Variants in TIE1 observed in about 807,000 individuals in gnomAD.
TIE1 encodes tyrosine-protein kinase receptor Tie-1.
A neutral mutation model predicts 130.5 loss-of-function variants in TIE1; 89 were observed. The observed-to-expected ratio is 0.68, with a 90% CI of 0.57 to 0.81. TIE1 has a LOEUF of 0.81. Among genes scored for constraint, TIE1 ranks in the 40% least tolerant of loss-of-function variants. The pLI, the probability that TIE1 is intolerant of heterozygous loss-of-function variation, is 0.00. For missense variants in TIE1, 1,392 were observed against 1,559.8 expected (o/e 0.89, Z 1.81); for synonymous variants, 568 against 629.4 (o/e 0.90, Z 1.46).
chr1:43,309,452 T>C lies in TIE1; in HGVS notation c.1253T>C (p.Leu418Pro), dbSNP rs1223497000. 4 of 1,612,318 alleles carry C rather than the reference T, an allele frequency of 2.5e-6. No homozygotes were observed. The East Asian group carries it at 8.9e-5, about 36-fold the overall frequency. The change falls in exon 9 of 23, where the codon CTT (leucine) becomes CCT (proline). Residue 418 changes from leucine (L) to proline (P), a missense_variant. By Grantham distance (98) the Leu-to-Pro change is moderately conservative. This residue lies in a region of TIE1 where 551 missense variants were observed against 565.5 expected (regional missense o/e 0.97). Coordinates refer to ENST00000372476, the MANE Select transcript of TIE1 (RefSeq NM_005424.5). The surrounding 1 kb of genome is among the most constrained non-coding windows in gnomAD (Gnocchi z 6.3). ...GAGTTCGAGGTGCCCCGCTTGGTTC[T>C]TGCGGACAGTGGGTTCTGGGAGTGC... ...TAEFEVPRLV[L>P]ADSGFWECRV...
Position 43,319,133 on chromosome 1 carries a change from T to C in TIE1, c.2923-102T>C, listed in dbSNP as rs540011973. 5.0e-6 allele frequency: 4 copies of C among 807,134 alleles called. No individual in the cohort carries two copies. In the African/African-American group the frequency reaches 6.8e-5, roughly 14 times the overall value. 50.0% of individuals were successfully genotyped at this position (807,134 alleles called of 1,614,324 possible). On this transcript the variant is annotated intron_variant, in intron 17 of 22. Coordinates refer to ENST00000372476, the MANE Select transcript of TIE1 (RefSeq NM_005424.5). This position sits in a 1 kb window ranked among gnomAD's most constrained non-coding sequence, Gnocchi z 4.7. Reference sequence around the variant, plus strand: ...GCCAGGAGGGTAGGAGTATGGGGTATTGAAGGTAACAAGGGTACCCACGAA... The same window carrying C: ...GCCAGGAGGGTAGGAGTATGGGGTACTGAAGGTAACAAGGGTACCCACGAA...
Position 43,301,138 on chromosome 1 carries a change from C to G in TIE1, c.58+9C>G. 1 of 1,611,522 alleles carries G rather than the reference C, an allele frequency of 6.2e-7. No individual in the cohort carries two copies. The highest frequency in any genetic ancestry group is 8.5e-7 in the Non-Finnish European group (1 of 1,178,868). ...CTTGGCTTCTCATGTGGGTAAGTCT[C>G]CCCTGAGTCCCTCACCCCATTTCTA... On this transcript the variant is annotated intron_variant, in intron 1 of 22. Transcript: ENST00000372476.
At position 43,313,971 on chromosome 1, in the gene TIE1, C is replaced by T. The variant is rs778330654; in HGVS notation, c.2409+3C>T. On this transcript the variant is annotated splice_donor_region_variant and intron_variant, in intron 14 of 22. Coordinates refer to ENST00000372476, the MANE Select transcript of TIE1 (RefSeq NM_005424.5). The surrounding 1 kb of genome is among the most constrained non-coding windows in gnomAD (Gnocchi z 6.2). ...CCTTCACCTACCAGTCAGGCTCGGT[C>T]AGTGACCCGCCCCGCCCCTGGGTGC... 5.0e-6 allele frequency: 8 copies of T among 1,613,660 alleles called. No individual in the cohort carries two copies. The South Asian group carries it at 7.7e-5, about 16-fold the overall frequency.
rs775667125 is a variant in TIE1, at chr1:43,317,697, AC to A, written c.2731+27del. The stretch of plus-strand genomic sequence containing the variant: ...GAGGTGAGCCCCCAGCTCATCACCT[AC>A]CCCTTCTTCCAAACCCCCATCCTCA... On this transcript the variant is annotated intron_variant, in intron 16 of 22. Transcript: ENST00000372476. This position sits in a 1 kb window ranked among gnomAD's most constrained non-coding sequence, Gnocchi z 5.1. 1 of 1,546,580 alleles carries A rather than the reference AC, an allele frequency of 6.5e-7. No individual in the cohort carries two copies. Among genetic ancestry groups the A allele is most frequent in the Non-Finnish European group, 8.8e-7 (1 of 1,141,648 alleles).
rs778115704 is a variant in TIE1, at chr1:43,315,579, G to A, written c.2409+1611G>A. On this transcript the variant is annotated intron_variant, in intron 14 of 22. Transcript: ENST00000372476. The surrounding 1 kb of genome is among the most constrained non-coding windows in gnomAD (Gnocchi z 4.4). Reference sequence around the variant, plus strand: ...TGAGGCAGGAGAACTGCTTGAACCCGGATGGCAGAGGTTGCAGTGAGCCAA... The same window carrying A: ...TGAGGCAGGAGAACTGCTTGAACCCAGATGGCAGAGGTTGCAGTGAGCCAA... Among the ~76,000 whole-genome samples the A allele has an allele frequency of 3.3e-5, 5 of 151,922 alleles. No homozygotes were observed. The highest frequency in any genetic ancestry group is 1.3e-4 in the Admixed American group (2 of 15,260).
In TIE1 at chr1:43,313,454, C is replaced by T. The variant is rs187353459; in HGVS notation, c.2218+29C>T. On this transcript the variant is annotated intron_variant, in intron 13 of 22. Coordinates refer to ENST00000372476, the MANE Select transcript of TIE1 (RefSeq NM_005424.5). This position sits in a 1 kb window ranked among gnomAD's most constrained non-coding sequence, Gnocchi z 6.2. ...AGAGGGCAGGGCCCACAGGACCCCC[C>T]GGGCTCTGAGCGGGGAGAGCTCAGC... 93 of 1,611,886 alleles carry T rather than the reference C, an allele frequency of 5.8e-5. No homozygotes were observed. In the Admixed American group the frequency reaches 8.5e-4, roughly 15 times the overall value.
At position 43,305,347 on chromosome 1, in the gene TIE1, A is replaced by C. The variant is rs1256953621; in HGVS notation, c.484+4A>C. The C allele has an allele frequency of 7.8e-6, 11 of 1,411,696 alleles. No individual in the cohort carries two copies. In the Admixed American group the frequency reaches 2.7e-4, roughly 34 times the overall value. The allele number at this position is 1,411,696 out of a possible 1,614,324, so 87.4% of individuals were successfully genotyped here. A position where few individuals can be genotyped will look rare whatever the true frequency, so the allele number is the denominator to read the frequency against. ...GACGTGATCTGGAAGAGCAACGGTAAAGAGGGGCATTTGAACTGGTGGGGA... is the reference window on the plus strand; with the variant it reads ...GACGTGATCTGGAAGAGCAACGGTACAGAGGGGCATTTGAACTGGTGGGGA... On this transcript the variant is annotated splice_donor_region_variant and intron_variant, in intron 3 of 22. Coordinates refer to ENST00000372476, the MANE Select transcript of TIE1 (RefSeq NM_005424.5).
chr1:43,317,372 C>T lies in TIE1; in HGVS notation c.2583C>T (p.Asp861=), dbSNP rs373122819. ...TCATCCGGGCCATGATCAAGAAGGA[C>T]GGGCTGAAGATGAACGCAGCCATCA... ...GQVIRAMIKK[D]GLKMNAAIKM... The change falls in exon 15 of 23, where the codon GAC becomes GAT. Residue 861 remains aspartate (D), a synonymous_variant. Transcript: ENST00000372476. The surrounding 1 kb of genome is among the most constrained non-coding windows in gnomAD (Gnocchi z 5.1). 41 of 1,614,050 alleles carry T rather than the reference C, an allele frequency of 2.5e-5. No homozygotes were observed. Among genetic ancestry groups the T allele is most frequent in the African/African-American group, 2.5e-4 (19 of 74,990 alleles).
intron 14 of TIE1, chr1:43,314,523 T>C: frequency 1.0e-6 from 1 of 1,000,862 alleles, no homozygotes; most frequent in Non-Finnish European, 1.2e-6. Context: ...TCCCAGGGCC[T>C]CCTTTTGGAG....
chr1:43,312,733 A>T lies in TIE1; in HGVS notation c.1927+132A>T. ...AGAGGACACAGGACACACATAGGGT[A>T]TTAGGCAGACGTGACCCCAGCGGGG... On this transcript the variant is annotated intron_variant, in intron 12 of 22. Coordinates refer to ENST00000372476, the MANE Select transcript of TIE1 (RefSeq NM_005424.5). This position sits in a 1 kb window ranked among gnomAD's most constrained non-coding sequence, Gnocchi z 5.6. 9.1e-7 allele frequency: 1 copy of T among 1,101,756 alleles called. No homozygotes were observed. Among genetic ancestry groups the T allele is most frequent in the Non-Finnish European group, 1.3e-6 (1 of 792,446 alleles). 68.2% of individuals were successfully genotyped at this position (1,101,756 alleles called of 1,614,324 possible). A position where few individuals can be genotyped will look rare whatever the true frequency, so the allele number is the denominator to read the frequency against.
Position 43,319,625 on chromosome 1 carries a change from G to A in TIE1, c.3107+96G>A, listed in dbSNP as rs577536046. 6.2e-6 allele frequency: 8 copies of A among 1,283,680 alleles called. No homozygotes were observed. The East Asian group carries it at 1.8e-4, about 30-fold the overall frequency. The allele number at this position is 1,283,680 out of a possible 1,614,324, so 79.5% of individuals were successfully genotyped here. A position where few individuals can be genotyped will look rare whatever the true frequency, so the allele number is the denominator to read the frequency against. On this transcript the variant is annotated intron_variant, in intron 19 of 22. Transcript: ENST00000372476. This position sits in a 1 kb window ranked among gnomAD's most constrained non-coding sequence, Gnocchi z 4.7. ...CTCAGAAATGTCATAGGTGGTCTAA[G>A]GCATGACCTGGGCTGTGTTCCAGGT... is the stretch of plus-strand genomic sequence containing the variant.
At chr1:43,314,158 C>T (rs1266759038) in intron 14 of TIE1, 190 bp downstream of exon 14, 1 of 803,320 alleles carries the variant, frequency 1.2e-6, no homozygotes, top group Non-Finnish European at 2.0e-6. Context: ...AAACTGAATT[C>T]AGCTCATGAG....
Position 43,319,160 on chromosome 1 carries a change from A to G in TIE1, c.2923-75A>G. ...GAAGGTAACAAGGGTACCCACGAAGACTGACTCCTTACTGGCCTGACTGTC... is the reference window on the plus strand; with the variant it reads ...GAAGGTAACAAGGGTACCCACGAAGGCTGACTCCTTACTGGCCTGACTGTC... On this transcript the variant is annotated intron_variant, in intron 17 of 22. Coordinates refer to ENST00000372476, the MANE Select transcript of TIE1 (RefSeq NM_005424.5). This position sits in a 1 kb window ranked among gnomAD's most constrained non-coding sequence, Gnocchi z 4.7. 1 of 1,090,500 alleles carries G rather than the reference A, an allele frequency of 9.2e-7. No individual in the cohort carries two copies. The highest frequency in any genetic ancestry group is 1.7e-5 in the Admixed American group (1 of 58,410). The allele number at this position is 1,090,500 out of a possible 1,614,324, so 67.6% of individuals were successfully genotyped here.
At chr1:43,303,970 G>T (rs1422651966) in intron 1 of TIE1, among the ~76,000 whole-genome samples, 1 of 152,192 alleles carries the variant, frequency 6.6e-6, no homozygotes, top group Non-Finnish European at 1.5e-5. Flanking sequence ...TCCAACTAGG[G>T]CGTGAGCTCT....
chr1:43,317,552 T>A lies in TIE1; in HGVS notation c.2621-12T>A. 2 of 1,611,118 alleles carry A rather than the reference T, an allele frequency of 1.2e-6. No individual in the cohort carries two copies. Among genetic ancestry groups the A allele is most frequent in the Non-Finnish European group, 1.7e-6 (2 of 1,178,106 alleles). On this transcript the variant is annotated splice_polypyrimidine_tract_variant and intron_variant, in intron 15 of 22. Transcript: ENST00000372476. This position sits in a 1 kb window ranked among gnomAD's most constrained non-coding sequence, Gnocchi z 5.1. ...TTATTTCTGGCAAAATAATATTGGA[T>A]TCTTTACACAGAGTATGCCTCTGAA...
chr1:43,313,075 G>A lies in TIE1; in HGVS notation c.1928-60G>A, dbSNP rs1646815740. ...AGCACAGCTAGAGCAGATGTGTCCA[G>A]CCCCACAGCTACATAGCCCGGTCCT... On this transcript the variant is annotated intron_variant, in intron 12 of 22. Coordinates refer to ENST00000372476, the MANE Select transcript of TIE1 (RefSeq NM_005424.5). The surrounding 1 kb of genome is among the most constrained non-coding windows in gnomAD (Gnocchi z 6.2). The A allele has an allele frequency of 6.5e-7, 1 of 1,538,298 alleles. No homozygotes were observed. Among genetic ancestry groups the A allele is most frequent in the South Asian group, 1.3e-5 (1 of 79,658 alleles).
chr1:43,321,873 G>A (rs980091024), intron 22 of TIE1, among the ~76,000 whole-genome samples, 158 bp downstream of exon 22: 2 of 152,182 alleles, frequency 1.3e-5, no homozygotes, highest in Non-Finnish European at 2.9e-5. Flanking sequence ...GATGCAGCCT[G>A]CCTTTCCAGC....
At position 43,322,022 on chromosome 1, in the gene TIE1, T is replaced by C. The variant is rs1262363191; in HGVS notation, c.3345+307T>C. 1.3e-5 allele frequency among the ~76,000 whole-genome samples: 2 copies of C among 152,178 alleles called. No individual in the cohort carries two copies. Among genetic ancestry groups the C allele is most frequent in the African/African-American group, 4.8e-5 (2 of 41,446 alleles). On this transcript the variant is annotated intron_variant, in intron 22 of 22. Transcript: ENST00000372476. The surrounding 1 kb of genome is among the most constrained non-coding windows in gnomAD (Gnocchi z 4.0). ...CTGAGGCCATCAGCCTGTCCTCATCTGGGACACCTCTCCCCACCTGCCAGA... is the reference window on the plus strand; with the variant it reads ...CTGAGGCCATCAGCCTGTCCTCATCCGGGACACCTCTCCCCACCTGCCAGA...
At chr1:43,321,573 C>T (rs1236584039) in intron 21 of TIE1, 43 bp from the exon 22 acceptor site, 7 of 1,554,276 alleles carry the variant, frequency 4.5e-6, no homozygotes, top group South Asian at 1.2e-5. Flanking sequence ...ACCCCATCAC[C>T]CCAGCTGGCC....
Sources: allele counts gnomAD v4.1 joint callset (sites outside exome capture counted in the v4.1 genomes callset), GRCh38; gene constraint gnomAD v4.1.1; regional missense constraint gnomAD v4.1.1; non-coding constraint Gnocchi (gnomAD v3.1); transcripts MANE v1.5; gene names NCBI Gene and HGNC (gene_info 2026-07-23, HGNC 2026-07-21).